DYM: variants seen among roughly 807,000 people sequenced by gnomAD.
The protein encoded by DYM is dymeclin, also known as dyggve-Melchior-Clausen syndrome protein.
Under a neutral mutation model 93.1 loss-of-function variants are expected in DYM, and 78 were observed. The observed-to-expected ratio is 0.84, with a 90% CI of 0.70 to 1.01. The LOEUF (loss-of-function observed/expected upper bound fraction) is 1.01. DYM is among the 50% of genes least tolerant of loss of function. The pLI, the probability that DYM is intolerant of heterozygous loss-of-function variation, is 0.00. For missense variants in DYM, 789 were observed against 845.0 expected (o/e 0.93, Z 0.82); for synonymous variants, 321 against 319.7 (o/e 1.00, Z -0.04).
intron 14 of DYM, among the ~76,000 whole-genome samples, chr18:49,187,359 T>A (rs896059155): frequency 6.6e-6 from 1 of 152,216 alleles, no homozygotes; most frequent in Non-Finnish European, 1.5e-5. Flanking sequence ...TTTGTTCACA[T>A]TGACAGTAAG....
chr18:49,053,352 G>A (rs981051452), intron 17 of DYM, among the ~76,000 whole-genome samples: 1 of 152,122 alleles, frequency 6.6e-6, no homozygotes, highest in Non-Finnish European at 1.5e-5. Context: ...GTTGAATGGC[G>A]TTTTCCCCCT....
In DYM at chr18:49,144,373, A is replaced by G. The variant is rs140773327; in HGVS notation, c.1728+19312T>C. On this transcript the variant is annotated intron_variant, in intron 15 of 17. Coordinates refer to ENST00000675505, the MANE Select transcript of DYM (RefSeq NM_001353214.3). ...TTCTACATCAGGAGAAACATAATCT[A>G]TGGTTCCCTCTTTACGTAAGTTTGC... 3.3e-5 allele frequency among the ~76,000 whole-genome samples: 5 copies of G among 152,176 alleles called. No homozygotes were observed. The East Asian group carries it at 9.7e-4, about 29-fold the overall frequency.
At chr18:49,243,696 A>G (rs1033574685) in intron 13 of DYM, among the ~76,000 whole-genome samples, 4 of 151,936 alleles carry the variant, frequency 2.6e-5, no homozygotes, top group Non-Finnish European at 5.9e-5. Flanking sequence ...AAAGAAAAAA[A>G]AAATCATTGC....
At chr18:49,287,270 T>G (rs2059726075) in intron 8 of DYM, among the ~76,000 whole-genome samples, 1 of 151,592 alleles carries the variant, frequency 6.6e-6, no homozygotes, top group African/African-American at 2.4e-5. Context: ...TTAAAAGTAT[T>G]ATTTCTATTT....
intron 13 of DYM, among the ~76,000 whole-genome samples, chr18:49,256,754 CTCTAAAAAACTAACAT>C (rs938764429): frequency 1.3e-5 from 2 of 152,126 alleles, no homozygotes; most frequent in African/African-American, 4.8e-5. Flanking sequence ...ATACCTGCTC[CTCTAAAAAACTAACAT>C]TACACTTAAA....
intron 8 of DYM, among the ~76,000 whole-genome samples, chr18:49,298,810 C>A (rs140509201): frequency 6.6e-6 from 1 of 152,262 alleles, no homozygotes; most frequent in East Asian, 1.9e-4. Context: ...TCAACTGTCT[C>A]AGTAAAACTC....
intron 3 of DYM, among the ~76,000 whole-genome samples, chr18:49,383,789 T>C (rs1264471575): frequency 2.6e-5 from 4 of 152,212 alleles, no homozygotes; most frequent in Admixed American, 6.5e-5. Context: ...CCCAAGCTTA[T>C]AGGATAATGC....
rs576702732 is a variant in DYM, at chr18:49,340,640, G to A, written c.495-6787C>T. ...TATGTCTGATGAGTCTAAAACCAGG[G>A]CTTGTGGGATGAAAGGACACATAAG... On this transcript the variant is annotated intron_variant, in intron 6 of 17. Coordinates refer to ENST00000675505, the MANE Select transcript of DYM (RefSeq NM_001353214.3). Among the ~76,000 whole-genome samples the A allele has an allele frequency of 2.0e-5, 3 of 152,278 alleles. No homozygotes were observed. In the East Asian group the frequency reaches 5.8e-4, roughly 29 times the overall value.
chr18:49,101,193 A>T (rs919424913), intron 16 of DYM, among the ~76,000 whole-genome samples: 1 of 152,208 alleles, frequency 6.6e-6, no homozygotes, highest in East Asian at 1.9e-4. Flanking sequence ...TCTGCATGAG[A>T]CACAGCCAAT....
chr18:49,206,288 G>A (rs972778438), intron 14 of DYM, among the ~76,000 whole-genome samples: 2 of 151,978 alleles, frequency 1.3e-5, no homozygotes, highest in East Asian at 1.9e-4. Flanking sequence ...ATTAGCCACC[G>A]CGCCCAGCTG....
chr18:49,109,422 T>C (rs970651077), intron 16 of DYM, among the ~76,000 whole-genome samples: 1 of 152,236 alleles, frequency 6.6e-6, no homozygotes, highest in African/African-American at 2.4e-5. Context: ...CTAGAGTTTA[T>C]ACTATACACC....
chr18:49,148,589 G>A (rs948497601), intron 15 of DYM, among the ~76,000 whole-genome samples: 2 of 152,052 alleles, frequency 1.3e-5, no homozygotes, highest in African/African-American at 4.8e-5. Flanking sequence ...AGAAAATCAA[G>A]GGTCAAAATG....
intron 8 of DYM, among the ~76,000 whole-genome samples, chr18:49,289,061 G>C (rs534618228): frequency 1.3e-5 from 2 of 152,098 alleles, no homozygotes; most frequent in Non-Finnish European, 2.9e-5. Flanking sequence ...CAACAGAAGA[G>C]AAATTAGGTC....
intron 16 of DYM, among the ~76,000 whole-genome samples, chr18:49,110,893 A>C (rs962036625): frequency 6.6e-6 from 1 of 151,502 alleles, no homozygotes; most frequent in Non-Finnish European, 1.5e-5. Flanking sequence ...CATTTTTCAC[A>C]TGTTTTTCTT....
intron 14 of DYM, among the ~76,000 whole-genome samples, chr18:49,205,349 T>C (rs1210850515): frequency 3.3e-5 from 5 of 152,162 alleles, no homozygotes; most frequent in Admixed American, 2.0e-4. Flanking sequence ...GAAATGTGTT[T>C]TTGTGTGAAA....
intron 6 of DYM, 73 bp downstream of exon 6, chr18:49,363,087 CT>C: frequency 7.9e-7 from 1 of 1,263,150 alleles, no homozygotes. Context: ...GACCCACAAA[CT>C]TCTCAACATG....
chr18:49,161,995 G>T (rs1297065351), intron 15 of DYM, among the ~76,000 whole-genome samples: 1 of 152,254 alleles, frequency 6.6e-6, no homozygotes, highest in East Asian at 1.9e-4. Flanking sequence ...CTATGTTGTT[G>T]TCTGGAGATT....
At chr18:49,428,755 G>T (rs903672657) in intron 2 of DYM, among the ~76,000 whole-genome samples, 6 of 152,020 alleles carry the variant, frequency 3.9e-5, no homozygotes, top group African/African-American at 1.4e-4. Flanking sequence ...CATGGGATAG[G>T]GCATGGGATG....
At chr18:49,280,402 G>A (rs1483066595) in intron 10 of DYM, among the ~76,000 whole-genome samples, 1 of 152,210 alleles carries the variant, frequency 6.6e-6, no homozygotes, top group African/African-American at 2.4e-5. Context: ...GGGCAGCTGA[G>A]TTGAAACATC....
Sources: allele counts gnomAD v4.1 joint callset (sites outside exome capture counted in the v4.1 genomes callset), GRCh38; gene constraint gnomAD v4.1.1; transcripts MANE v1.5; gene names NCBI Gene and HGNC (gene_info 2026-07-23, HGNC 2026-07-21).